SPOCK3: variants seen among roughly 807,000 people sequenced by gnomAD.
SPOCK3 encodes testican-3.
In SPOCK3, 30 loss-of-function variants were observed where a neutral mutation model predicts 56.6. The observed-to-expected ratio is 0.53, with a 90% CI of 0.40 to 0.72. The LOEUF (loss-of-function observed/expected upper bound fraction) is 0.72. SPOCK3 is among the 30% of genes least tolerant of loss of function. The pLI is 0.00. For synonymous variants in SPOCK3, 196 were observed against 183.3 expected (o/e 1.07, Z -0.56); for missense variants, 527 against 530.0 (o/e 0.99, Z 0.06).
intron 4 of SPOCK3, among the ~76,000 whole-genome samples, chr4:166,943,652 A>C (rs1422635245): frequency 6.6e-6 from 1 of 152,200 alleles, no homozygotes; most frequent in Non-Finnish European, 1.5e-5. Context: ...TTTTGCTTAC[A>C]TGAGATATCA....
intron 2 of SPOCK3, among the ~76,000 whole-genome samples, chr4:167,071,163 A>T (rs2150266256): frequency 6.6e-6 from 1 of 152,110 alleles, no homozygotes; most frequent in East Asian, 1.9e-4. Context: ...TTTTAAATTG[A>T]TATGCAAAAC....
chr4:166,800,300 AAAAG>A (rs1170647764), intron 6 of SPOCK3, among the ~76,000 whole-genome samples: 2 of 152,082 alleles, frequency 1.3e-5, no homozygotes, highest in African/African-American at 4.8e-5. Context: ...ATGATTTAAA[AAAAG>A]AAATAAACCA....
intron 3 of SPOCK3, among the ~76,000 whole-genome samples, chr4:167,022,768 C>T (rs1044358203): frequency 1.3e-5 from 2 of 151,870 alleles, no homozygotes; most frequent in Non-Finnish European, 2.9e-5. Context: ...ACAAATAGAC[C>T]CTGAGTCATG....
At chr4:167,028,664 T>C (rs993115964) in intron 3 of SPOCK3, among the ~76,000 whole-genome samples, 15 of 152,166 alleles carry the variant, frequency 9.9e-5, no homozygotes, top group Non-Finnish European at 1.9e-4. Context: ...GGCCATACTT[T>C]GCTTCCAAGG....
chr4:167,172,160 G>C (rs769507674), intron 2 of SPOCK3, among the ~76,000 whole-genome samples: 2 of 152,198 alleles, frequency 1.3e-5, no homozygotes, highest in Non-Finnish European at 2.9e-5. Context: ...GAGACTGACA[G>C]AGACAGCCAG....
At chr4:167,158,821 G>T (rs1765037828) in intron 2 of SPOCK3, among the ~76,000 whole-genome samples, 1 of 151,922 alleles carries the variant, frequency 6.6e-6, no homozygotes, top group South Asian at 2.1e-4. Flanking sequence ...GATCTTTAAA[G>T]AAATGTAACT....
chr4:167,043,922 G>A (rs1055452583), intron 3 of SPOCK3, among the ~76,000 whole-genome samples: 1 of 151,952 alleles, frequency 6.6e-6, no homozygotes, highest in Non-Finnish European at 1.5e-5. Context: ...TAATGTGTTT[G>A]TCTGATTTTG....
chr4:167,117,620 A>C (rs1432442841), intron 2 of SPOCK3, among the ~76,000 whole-genome samples: 2 of 152,166 alleles, frequency 1.3e-5, no homozygotes, highest in East Asian at 1.9e-4. Flanking sequence ...CAGGAAGTAC[A>C]AAACAGCAAG....
intron 6 of SPOCK3, among the ~76,000 whole-genome samples, chr4:166,792,887 T>C (rs1016328009): frequency 1.3e-5 from 2 of 152,152 alleles, no homozygotes; most frequent in Non-Finnish European, 2.9e-5. Context: ...GAAAAAAGAT[T>C]GTACTGGCAA....
chr4:167,178,472 G>T (rs1049674032), intron 2 of SPOCK3, among the ~76,000 whole-genome samples: 14 of 152,096 alleles, frequency 9.2e-5, no homozygotes, highest in African/African-American at 2.9e-4. Flanking sequence ...CTTTAATCAA[G>T]TCACCAAACT....
At chr4:167,136,997 C>T (rs529674652) in intron 2 of SPOCK3, among the ~76,000 whole-genome samples, 19 of 152,176 alleles carry the variant, frequency 1.2e-4, no homozygotes, top group Middle Eastern at 3.4e-3. Flanking sequence ...AAATTAACAT[C>T]TTTGATTATG....
intron 2 of SPOCK3, among the ~76,000 whole-genome samples, chr4:167,215,623 T>A (rs561209498): frequency 1.3e-5 from 2 of 152,200 alleles, no homozygotes; most frequent in Admixed American, 1.3e-4. Flanking sequence ...GAAGAATGCA[T>A]GAAAGAGGAA....
At chr4:167,023,867 C>T (rs1751437098) in intron 3 of SPOCK3, among the ~76,000 whole-genome samples, 4 of 152,072 alleles carry the variant, frequency 2.6e-5, no homozygotes, top group Non-Finnish European at 1.5e-5. Flanking sequence ...AGACTGTTTT[C>T]TATCCTGCTC....
At chr4:167,088,909 T>C (rs1211808872) in intron 2 of SPOCK3, among the ~76,000 whole-genome samples, 4 of 152,178 alleles carry the variant, frequency 2.6e-5, no homozygotes, top group Non-Finnish European at 5.9e-5. Flanking sequence ...TTTTTAGTCA[T>C]TCACATATGT....
chr4:166,754,872 G>C (rs904869975), intron 7 of SPOCK3, 143 bp from the exon 8 acceptor site: 1 of 706,260 alleles, frequency 1.4e-6, no homozygotes, highest in African/African-American at 1.8e-5. Flanking sequence ...ATCATGAGTA[G>C]TTTGTTTCAA....
Position 166,906,803 on chromosome 4 carries a change from A to G in SPOCK3, c.474+5817T>C, listed in dbSNP as rs779947568. Among the ~76,000 whole-genome samples the G allele has an allele frequency of 8.0e-4, 122 of 151,900 alleles. 2 individuals are homozygous for G. The highest frequency in any genetic ancestry group is 2.1e-4 in the Non-Finnish European group (14 of 67,962). On this transcript the variant is annotated intron_variant, in intron 5 of 10. Transcript: ENST00000357545. The stretch of plus-strand genomic sequence containing the variant: ...GGTAGTCACCACATCATGTGTAGCA[A>G]TATAGAAAAAAATGAAGGGTAATTA...
At chr4:167,149,041 CTT>C (rs1012424016) in intron 2 of SPOCK3, among the ~76,000 whole-genome samples, 1 of 152,044 alleles carries the variant, frequency 6.6e-6, no homozygotes, top group Non-Finnish European at 1.5e-5. Context: ...GGACATGTCT[CTT>C]GAACTAAATT....
chr4:167,003,911 A>G (rs1749200648), intron 3 of SPOCK3, among the ~76,000 whole-genome samples: 1 of 152,152 alleles, frequency 6.6e-6, no homozygotes, highest in Admixed American at 6.6e-5. Flanking sequence ...TTGCCAGAAT[A>G]CTTGTTTTTT....
intron 4 of SPOCK3, among the ~76,000 whole-genome samples, chr4:166,973,929 A>T (rs1745661363): frequency 6.6e-6 from 1 of 152,198 alleles, no homozygotes; most frequent in Admixed American, 6.5e-5. Context: ...TTACTTATGG[A>T]AATCAGTTGG....
Sources: gnomAD v4.1 joint callset for allele counts (sites outside exome capture counted in the v4.1 genomes callset) on GRCh38, gnomAD v4.1.1 for gene constraint, MANE v1.5 for transcripts, NCBI Gene and HGNC (gene_info 2026-07-23, HGNC 2026-07-21) for gene names.